Variants in TMEM108 observed in about 807,000 individuals in gnomAD.
TMEM108 encodes cancer/testis antigen 124.
In TMEM108, 12 loss-of-function variants were observed where a neutral mutation model predicts 35.1. The ratio of observed to expected loss-of-function variants is 0.34; its 90% CI spans 0.22 to 0.55. The LOEUF (loss-of-function observed/expected upper bound fraction) is 0.55, where lower values mean the gene tolerates loss of function less well. TMEM108 is among the 20% of genes least tolerant of loss of function. TMEM108 has a pLI of 0.89. For missense variants in TMEM108, 680 were observed against 753.3 expected, an observed-to-expected ratio of 0.90 and a Z score of 1.14; for synonymous variants, 287 against 308.6, an observed-to-expected ratio of 0.93 and a Z score of 0.73.
intron 4 of TMEM108, 40 bp downstream of exon 4, chr3:133,381,201 A>AC (rs937528039): frequency 1.3e-6 from 2 of 1,533,750 alleles, no homozygotes; most frequent in South Asian, 1.2e-5. Flanking sequence ...TCCCTCTACC[A>AC]CATCACTGGC....
At chr3:133,296,707 G>C (rs1039319098) in intron 3 of TMEM108, among the ~76,000 whole-genome samples, 1 of 152,122 alleles carries the variant, frequency 6.6e-6, no homozygotes, top group East Asian at 1.9e-4. Context: ...GGACAGGGGG[G>C]ACTTGGGGGC....
intron 3 of TMEM108, among the ~76,000 whole-genome samples, chr3:133,315,047 T>A (rs747001705): frequency 6.6e-6 from 1 of 152,194 alleles, no homozygotes; most frequent in Non-Finnish European, 1.5e-5. Flanking sequence ...GTTTGTAATA[T>A]GGAGACAATA....
At chr3:133,216,725 T>G (rs1945914678) in intron 2 of TMEM108, among the ~76,000 whole-genome samples, 1 of 152,004 alleles carries the variant, frequency 6.6e-6, no homozygotes, top group Admixed American at 6.6e-5. Flanking sequence ...TCACTTACTA[T>G]CTTCCAAGTT....
chr3:133,244,007 T>C (rs867934326), intron 3 of TMEM108, among the ~76,000 whole-genome samples: 2 of 152,140 alleles, frequency 1.3e-5, no homozygotes, highest in African/African-American at 2.4e-5. Flanking sequence ...TCCACAGAGA[T>C]TGACTTTGTT....
intron 2 of TMEM108, among the ~76,000 whole-genome samples, chr3:133,097,209 C>A (rs910531600): frequency 4.6e-5 from 7 of 152,150 alleles, no homozygotes; most frequent in Admixed American, 3.3e-4. Context: ...TTTAAAGAAT[C>A]AATTTAAACA....
chr3:133,210,243 A>G (rs970344735), intron 2 of TMEM108, among the ~76,000 whole-genome samples: 1 of 152,176 alleles, frequency 6.6e-6, no homozygotes, highest in Non-Finnish European at 1.5e-5. Context: ...CCAACTATAC[A>G]GTAGAATCAC....
chr3:133,088,283 G>A (rs1943907608), intron 2 of TMEM108, among the ~76,000 whole-genome samples: 1 of 152,122 alleles, frequency 6.6e-6, no homozygotes, highest in Admixed American at 6.5e-5. Flanking sequence ...AGAGGTGGCA[G>A]AACATGAAGG....
chr3:133,124,649 AC>A (rs576565457), intron 2 of TMEM108, among the ~76,000 whole-genome samples: 44 of 152,282 alleles, frequency 2.9e-4, no homozygotes, highest in Admixed American at 2.5e-3. Context: ...CAAAAAGCCA[AC>A]CCCTTTTAGA....
chr3:133,201,293 C>A (rs1384471103), intron 2 of TMEM108, among the ~76,000 whole-genome samples: 2 of 151,300 alleles, frequency 1.3e-5, no homozygotes, highest in Non-Finnish European at 2.9e-5. Flanking sequence ...TTTTAGACCT[C>A]TAATTAAAAA....
At chr3:133,284,356 TA>T (rs1946955918) in intron 3 of TMEM108, among the ~76,000 whole-genome samples, 1 of 152,200 alleles carries the variant, frequency 6.6e-6, no homozygotes, top group Non-Finnish European at 1.5e-5. Context: ...CCCAGAGTCC[TA>T]AGTAATTTAT....
intron 2 of TMEM108, among the ~76,000 whole-genome samples, chr3:133,110,235 G>T (rs1395276317): frequency 2.0e-5 from 3 of 152,140 alleles, no homozygotes; most frequent in Admixed American, 6.6e-5. Flanking sequence ...GAGTTGATTT[G>T]AGTGTGGGGG....
intron 2 of TMEM108, among the ~76,000 whole-genome samples, chr3:133,112,787 G>T (rs1265761687): frequency 6.6e-6 from 1 of 152,138 alleles, no homozygotes; most frequent in African/African-American, 2.4e-5. Context: ...AGAAATCAGA[G>T]AATTGAAGTT....
intron 3 of TMEM108, among the ~76,000 whole-genome samples, chr3:133,355,022 G>A (rs1472909155): frequency 6.6e-6 from 1 of 152,154 alleles, no homozygotes; most frequent in Non-Finnish European, 1.5e-5. Flanking sequence ...CAAGTGTAAA[G>A]ATACAGTTTT....
chr3:133,192,724 G>C lies in TMEM108; in HGVS notation c.-46-36542G>C, dbSNP rs536159488. 8.5e-5 allele frequency: 13 copies of C among 152,478 alleles called. No homozygotes were observed. In the East Asian group the frequency reaches 2.3e-3, roughly 27 times the overall value. The allele number at this position is 152,478 out of a possible 1,614,324, so 9.4% of individuals were successfully genotyped here. On this transcript the variant is annotated intron_variant, in intron 2 of 5. Coordinates refer to ENST00000321871, the MANE Select transcript of TMEM108 (RefSeq NM_023943.4). ...TTTCCTGTGGGGAGTTAATACTGAG[G>C]TGGAAATGAGCGGCTCCAGGCTTCT...
At chr3:133,322,440 C>A (rs1053533869) in intron 3 of TMEM108, among the ~76,000 whole-genome samples, 1 of 152,206 alleles carries the variant, frequency 6.6e-6, no homozygotes, top group East Asian at 1.9e-4. Flanking sequence ...GGATAAATTC[C>A]TGGAAATACA....
chr3:133,137,788 G>C (rs1944585849), intron 2 of TMEM108, among the ~76,000 whole-genome samples: 1 of 152,182 alleles, frequency 6.6e-6, no homozygotes, highest in African/African-American at 2.4e-5. Flanking sequence ...GGGACAGCTT[G>C]AGCTGTCAGG....
chr3:133,204,885 A>G (rs1275753968), intron 2 of TMEM108, among the ~76,000 whole-genome samples: 2 of 152,140 alleles, frequency 1.3e-5, no homozygotes, highest in Non-Finnish European at 2.9e-5. Context: ...TGATCTGTCT[A>G]ATATTCACAA....
chr3:133,057,054 A>G (rs1193037817), intron 2 of TMEM108, among the ~76,000 whole-genome samples: 1 of 152,088 alleles, frequency 6.6e-6, no homozygotes, highest in African/African-American at 2.4e-5. Context: ...ATTGATTCCC[A>G]ATTATAACAT....
intron 2 of TMEM108, among the ~76,000 whole-genome samples, chr3:133,226,161 G>T (rs1428666918): frequency 6.6e-6 from 1 of 152,204 alleles, no homozygotes; most frequent in African/African-American, 2.4e-5. Flanking sequence ...CAATAGAAAG[G>T]AGTGTCTGGG....
Sources: gnomAD v4.1 joint callset for allele counts (sites outside exome capture counted in the v4.1 genomes callset) on GRCh38, gnomAD v4.1.1 for gene constraint, MANE v1.5 for transcripts, NCBI Gene and HGNC (gene_info 2026-07-23, HGNC 2026-07-21) for gene names.